DLG2: variants seen among roughly 807,000 people sequenced by gnomAD.
DLG2 encodes the protein disks large homolog 2.
A neutral mutation model predicts 132.5 loss-of-function variants in DLG2; 45 were observed. The ratio of observed to expected loss-of-function variants is 0.34; its 90% CI spans 0.27 to 0.44. The LOEUF (loss-of-function observed/expected upper bound fraction) is 0.44. Among genes scored for constraint, DLG2 ranks in the 20% least tolerant of loss-of-function variants. DLG2 has a pLI of 1.00. For missense variants in DLG2, 1,045 were observed against 1,196.9 expected (o/e 0.87, Z 1.87); for synonymous variants, 424 against 419.6 (o/e 1.01, Z -0.13).
At chr11:83,660,705 A>T (rs763339144) in intron 18 of DLG2, among the ~76,000 whole-genome samples, 1 of 152,250 alleles carries the variant, frequency 6.6e-6, no homozygotes, top group Non-Finnish European at 1.5e-5. Flanking sequence ...AATAAAAATT[A>T]TCAAGGCAGT....
At chr11:85,334,766 T>C (rs2082012404) in intron 3 of DLG2, among the ~76,000 whole-genome samples, 1 of 152,238 alleles carries the variant, frequency 6.6e-6, no homozygotes, top group Admixed American at 6.5e-5. Context: ...ATTTCCATTG[T>C]TATTTCACTG....
intron 3 of DLG2, among the ~76,000 whole-genome samples, chr11:85,403,742 T>TG (rs975929195): frequency 6.6e-6 from 1 of 151,940 alleles, no homozygotes; most frequent in African/African-American, 2.4e-5. Context: ...CTCTTTGTTA[T>TG]GGGGGAAGAT....
At chr11:85,105,916 T>C (rs2071661060) in intron 6 of DLG2, among the ~76,000 whole-genome samples, 2 of 151,538 alleles carry the variant, frequency 1.3e-5, no homozygotes, top group Admixed American at 6.6e-5. Context: ...GGTCTGTGTA[T>C]TTATGTAGGG....
At chr11:84,686,653 A>C (rs1001612490) in intron 6 of DLG2, 90 of 33,480 alleles carry the variant, frequency 2.7e-3, no homozygotes, top group African/African-American at 0.012. Context: ...TTTTTTTTTT[A>C]TGCTATACAC....
chr11:84,031,723 AC>A (rs1377737057), intron 11 of DLG2, among the ~76,000 whole-genome samples: 2 of 152,172 alleles, frequency 1.3e-5, no homozygotes, highest in Non-Finnish European at 2.9e-5. Context: ...AAAACATAGT[AC>A]AGGCCTATCT....
At chr11:85,112,656 C>T (rs568590812) in intron 5 of DLG2, among the ~76,000 whole-genome samples, 154 of 152,124 alleles carry the variant, frequency 1.0e-3, no homozygotes, top group African/African-American at 3.6e-3. Context: ...CTAGTCCCCA[C>T]AATAAACATA....
At chr11:83,584,668 G>C (rs1380343701) in intron 19 of DLG2, among the ~76,000 whole-genome samples, 1 of 152,206 alleles carries the variant, frequency 6.6e-6, no homozygotes, top group Non-Finnish European at 1.5e-5. Flanking sequence ...AAACTCTAAA[G>C]ATAGAGGATT....
At chr11:84,411,083 C>T (rs1359153960) in intron 7 of DLG2, among the ~76,000 whole-genome samples, 1 of 152,130 alleles carries the variant, frequency 6.6e-6, no homozygotes, top group African/African-American at 2.4e-5. Context: ...AGTGAAAAGG[C>T]AGAACACAGC....
At chr11:84,548,418 A>G (rs1191903498) in intron 6 of DLG2, among the ~76,000 whole-genome samples, 2 of 151,730 alleles carry the variant, frequency 1.3e-5, no homozygotes, top group Admixed American at 6.6e-5. Context: ...TCCCAATGCT[A>G]TCCATCCCCA....
At chr11:84,611,531 C>CT (rs1470268600) in intron 6 of DLG2, among the ~76,000 whole-genome samples, 1 of 152,138 alleles carries the variant, frequency 6.6e-6, no homozygotes, top group East Asian at 1.9e-4. Context: ...GCCTGAGACT[C>CT]TTGACTTTAC....
At chr11:83,970,780 C>G (rs1241732796) in intron 12 of DLG2, among the ~76,000 whole-genome samples, 1 of 152,180 alleles carries the variant, frequency 6.6e-6, no homozygotes, top group East Asian at 1.9e-4. Context: ...CTATTGTCAT[C>G]ATCTGTAAGC....
At chr11:84,132,394 G>A (rs1002810345) in intron 9 of DLG2, among the ~76,000 whole-genome samples, 1 of 151,900 alleles carries the variant, frequency 6.6e-6, no homozygotes, top group East Asian at 1.9e-4. Flanking sequence ...AAACATACAA[G>A]AAGCATGATA....
chr11:84,263,949 G>T (rs575180585), intron 7 of DLG2, among the ~76,000 whole-genome samples: 4 of 152,082 alleles, frequency 2.6e-5, no homozygotes, highest in African/African-American at 9.7e-5. Context: ...ATTACAAGAC[G>T]AACAGGGTAC....
chr11:85,277,583 C>T (rs2077970072), intron 4 of DLG2, among the ~76,000 whole-genome samples: 3 of 152,150 alleles, frequency 2.0e-5, no homozygotes, highest in Admixed American at 2.0e-4. Context: ...CAGATAAATG[C>T]TGAGTTAACT....
At chr11:85,300,129 TA>T (rs1445488611) in intron 3 of DLG2, among the ~76,000 whole-genome samples, 1 of 152,118 alleles carries the variant, frequency 6.6e-6, no homozygotes, top group South Asian at 2.1e-4. Flanking sequence ...TCTGCTATGA[TA>T]AAAACTAACA....
At chr11:83,696,114 G>A (rs938691712) in intron 18 of DLG2, among the ~76,000 whole-genome samples, 3 of 152,204 alleles carry the variant, frequency 2.0e-5, no homozygotes, top group Admixed American at 2.0e-4. Flanking sequence ...GGTGGAGGAT[G>A]GACTGGAGGT....
chr11:83,653,674 G>A (rs772683737), intron 18 of DLG2, among the ~76,000 whole-genome samples: 11 of 152,114 alleles, frequency 7.2e-5, no homozygotes, highest in African/African-American at 2.2e-4. Flanking sequence ...TAAAGTGACC[G>A]CACATGTCCA....
At chr11:85,144,233 T>C (rs971044328) in intron 5 of DLG2, among the ~76,000 whole-genome samples, 1 of 151,822 alleles carries the variant, frequency 6.6e-6, no homozygotes, top group African/African-American at 2.4e-5. Flanking sequence ...CTATCTGATA[T>C]AGGTATAGCT....
chr11:84,420,787 G>A (rs1278434298), intron 7 of DLG2, among the ~76,000 whole-genome samples: 1 of 145,226 alleles, frequency 6.9e-6, no homozygotes, highest in Non-Finnish European at 1.5e-5. Flanking sequence ...TCCTGCCTCA[G>A]CCTCCCAAGT....
Sources: allele counts gnomAD v4.1 joint callset (sites outside exome capture counted in the v4.1 genomes callset), GRCh38; gene constraint gnomAD v4.1.1; transcripts MANE v1.5; gene names NCBI Gene and HGNC (gene_info 2026-07-23, HGNC 2026-07-21).